The following MTHFD1L variants were observed in gnomAD, a reference collection of about 807,000 sequenced individuals.
The protein encoded by MTHFD1L is monofunctional C1-tetrahydrofolate synthase, mitochondrial.
MTHFD1L carries 81 observed loss-of-function variants against 119.5 expected under a neutral mutation model. That is an observed-to-expected ratio of 0.68 (90% CI 0.57 to 0.82). The LOEUF is 0.82. Ranked by LOEUF, MTHFD1L falls within the 40% of genes least tolerant of loss-of-function variation. The pLI, the probability that MTHFD1L is intolerant of heterozygous loss-of-function variation, is 0.00. For missense variants in MTHFD1L, 1,125 were observed against 1,253.4 expected (o/e 0.90, Z 1.55); for synonymous variants, 430 against 475.2 (o/e 0.90, Z 1.24).
chr6:150,972,623 A>G (rs2129020990), intron 20 of MTHFD1L, among the ~76,000 whole-genome samples: 1 of 152,318 alleles, frequency 6.6e-6, no homozygotes, highest in African/African-American at 2.4e-5. Flanking sequence ...GAAAAAATTA[A>G]AATTAAAACA....
rs1233209825 is a variant in MTHFD1L at position 150,936,789 on chromosome 6, TC to T, written c.1257-9del. The stretch of plus-strand genomic sequence containing the variant: ...GGGAAATATTATAAAATTCACTTTC[TC>T]CCCCCGAACTCAGGATCACACCCAC... On this transcript the variant is annotated splice_polypyrimidine_tract_variant and intron_variant, in intron 11 of 27. Coordinates refer to ENST00000367321, the MANE Select transcript of MTHFD1L (RefSeq NM_015440.5). 5 of 1,605,520 alleles carry T rather than the reference TC, an allele frequency of 3.1e-6. No homozygotes were observed. Among genetic ancestry groups the T allele is most frequent in the Middle Eastern group, 1.7e-4 (1 of 6,036 alleles).
chr6:150,906,300 T>G (rs1785894102), intron 8 of MTHFD1L, among the ~76,000 whole-genome samples: 1 of 152,138 alleles, frequency 6.6e-6, no homozygotes, highest in Non-Finnish European at 1.5e-5. Context: ...GTAGGATTGG[T>G]CCTGCTATTT....
chr6:150,973,674 A>G (rs1776112109), intron 20 of MTHFD1L, among the ~76,000 whole-genome samples: 1 of 152,220 alleles, frequency 6.6e-6, no homozygotes, highest in Admixed American at 6.5e-5. Context: ...AATACTTTCA[A>G]AGATATAAAC....
chr6:151,084,214 G>C (rs966720849), intron 26 of MTHFD1L, among the ~76,000 whole-genome samples: 2 of 152,138 alleles, frequency 1.3e-5, no homozygotes, highest in Admixed American at 1.3e-4. Flanking sequence ...AAAGAAAAAG[G>C]TGCTACCAAA....
chr6:150,962,084 G>A (rs764130502), intron 18 of MTHFD1L, among the ~76,000 whole-genome samples: 2 of 152,248 alleles, frequency 1.3e-5, no homozygotes, highest in East Asian at 3.9e-4. Flanking sequence ...CTGCCTCCCA[G>A]ATTCAAGTGA....
intron 20 of MTHFD1L, among the ~76,000 whole-genome samples, chr6:150,981,477 G>A (rs1024059237): frequency 4.6e-5 from 7 of 152,194 alleles, no homozygotes; most frequent in Admixed American, 6.5e-5. Context: ...AATCACAGAT[G>A]TGCGGCTTTT....
chr6:150,960,230 C>A (rs756299646), intron 17 of MTHFD1L, 45 bp from the exon 18 acceptor site: 14 of 1,567,556 alleles, frequency 8.9e-6, no homozygotes, highest in Non-Finnish European at 1.1e-5. Flanking sequence ...ATGGCCATCC[C>A]ACTGGCACTG....
At chr6:150,999,861 A>T (rs1288132144) in intron 20 of MTHFD1L, among the ~76,000 whole-genome samples, 1 of 152,156 alleles carries the variant, frequency 6.6e-6, no homozygotes, top group Admixed American at 6.5e-5. Context: ...TTTTACTACA[A>T]CCAAAAATAT....
intron 24 of MTHFD1L, among the ~76,000 whole-genome samples, chr6:151,017,586 C>T (rs1271504119): frequency 1.3e-5 from 2 of 152,166 alleles, no homozygotes; most frequent in Middle Eastern, 3.4e-3. Context: ...ACCTTGTGAT[C>T]CACCCACCTC....
At chr6:150,933,608 T>C (rs1791541397) in intron 11 of MTHFD1L, among the ~76,000 whole-genome samples, 1 of 152,102 alleles carries the variant, frequency 6.6e-6, no homozygotes, top group South Asian at 2.1e-4. Context: ...GCTCACCAGC[T>C]CCTGGCCACA....
intron 20 of MTHFD1L, among the ~76,000 whole-genome samples, chr6:150,978,980 C>T (rs960745311): frequency 2.0e-5 from 3 of 152,186 alleles, no homozygotes; most frequent in African/African-American, 7.2e-5. Context: ...TGGCTCACTC[C>T]TGTAATCCTA....
chr6:151,075,114 A>C (rs537225758), intron 26 of MTHFD1L, among the ~76,000 whole-genome samples: 1 of 152,320 alleles, frequency 6.6e-6, no homozygotes, highest in Non-Finnish European at 1.5e-5. Context: ...ATAGGACAAT[A>C]AGAAAAAGAA....
At chr6:151,018,042 T>TC (rs754346892) in intron 24 of MTHFD1L, among the ~76,000 whole-genome samples, 2 of 151,904 alleles carry the variant, frequency 1.3e-5, no homozygotes, top group Non-Finnish European at 2.9e-5. Flanking sequence ...GACCTGAGCT[T>TC]CCCAGGGCTC....
chr6:150,905,506 A>G (rs984004994), intron 7 of MTHFD1L, 144 bp from the exon 8 acceptor site: 1 of 626,456 alleles, frequency 1.6e-6, no homozygotes. Context: ...CTTGAAAGGA[A>G]TTAGTAAAGC....
rs776621458 is a variant in MTHFD1L at position 150,905,754 on chromosome 6, C to G, written c.885C>G (p.Phe295Leu). Reference protein sequence around the residue: ...GTTVLNCSHDFLSGKVGCGSP... With the variant: ...GTTVLNCSHDLLSGKVGCGSP... ...CTGTTCTCAACTGCTCCCATGACTT[C>G]CTGTCAGGTAAATGTCTTCACATTG... Residue 295 changes from phenylalanine (F) to leucine (L), a missense_variant, in exon 8 of 28, where the codon TTC becomes TTG. Physicochemically the swap from Phe to Leu is conservative, Grantham distance 22 (BLOSUM62 0). Coordinates refer to ENST00000367321, the MANE Select transcript of MTHFD1L (RefSeq NM_015440.5). 4 of 1,610,882 alleles carry G rather than the reference C, an allele frequency of 2.5e-6. No homozygotes were observed. The highest frequency in any genetic ancestry group is 2.2e-5 in the South Asian group (2 of 91,012).
chr6:150,884,641 C>G (rs1781920403), intron 5 of MTHFD1L, among the ~76,000 whole-genome samples: 1 of 151,950 alleles, frequency 6.6e-6, no homozygotes, highest in Admixed American at 6.6e-5. Flanking sequence ...AAAAACCAAC[C>G]AAACAAAAAC....
intron 20 of MTHFD1L, among the ~76,000 whole-genome samples, chr6:150,978,266 GA>G (rs1736762366): frequency 6.6e-6 from 1 of 152,034 alleles, no homozygotes; most frequent in African/African-American, 2.4e-5. Context: ...TGACATAAGA[GA>G]GAGAAAGAAC....
intron 4 of MTHFD1L, among the ~76,000 whole-genome samples, chr6:150,878,581 A>C (rs1336494919): frequency 1.3e-5 from 2 of 152,102 alleles, no homozygotes; most frequent in African/African-American, 4.8e-5. Flanking sequence ...GACATGAATA[A>C]AGTTTGGAAG....
chr6:150,985,447 G>A (rs1051933446), intron 20 of MTHFD1L, among the ~76,000 whole-genome samples: 3 of 151,820 alleles, frequency 2.0e-5, no homozygotes, highest in African/African-American at 7.3e-5. Flanking sequence ...AGGCCGAGGC[G>A]GGTGGATCAC....
Sources: allele counts gnomAD v4.1 joint callset (sites outside exome capture counted in the v4.1 genomes callset), GRCh38; gene constraint gnomAD v4.1.1; transcripts MANE v1.5; gene names NCBI Gene and HGNC (gene_info 2026-07-23, HGNC 2026-07-21).